Variants in CATSPERE observed in about 807,000 individuals in gnomAD.
CATSPERE encodes the protein catsper channel auxiliary subunit epsilon, also known as cation channel sperm-associated auxiliary subunit epsilon.
Under a neutral mutation model 114.1 loss-of-function variants are expected in CATSPERE, and 93 were observed. The observed-to-expected ratio is 0.81, with a 90% CI of 0.69 to 0.97. The LOEUF is 0.97. Ranked by LOEUF, CATSPERE falls within the 50% of genes least tolerant of loss-of-function variation. CATSPERE has a pLI of 0.00. For missense variants in CATSPERE, 1,058 were observed against 1,131.6 expected (o/e 0.93, Z 0.93); for synonymous variants, 341 against 384.1 (o/e 0.89, Z 1.31).
chr1:244,578,069 G>C (rs1343537100), intron 11 of CATSPERE, among the ~76,000 whole-genome samples: 4 of 152,240 alleles, frequency 2.6e-5, no homozygotes, highest in African/African-American at 9.6e-5. Flanking sequence ...ATAGTATACA[G>C]TTGATTCTTG....
At chr1:244,491,518 C>T (rs575842147) in intron 6 of CATSPERE, among the ~76,000 whole-genome samples, 4 of 152,068 alleles carry the variant, frequency 2.6e-5, no homozygotes, top group East Asian at 1.9e-4. Context: ...GACACCCTAA[C>T]GTCACAATTA....
At chr1:244,535,082 C>G (rs1234406402) in intron 8 of CATSPERE, among the ~76,000 whole-genome samples, 1 of 152,194 alleles carries the variant, frequency 6.6e-6, no homozygotes, top group Non-Finnish European at 1.5e-5. Flanking sequence ...CACTCTTGTT[C>G]TCTTCTCTTA....
rs201562280 is a variant in CATSPERE at position 244,477,522 on chromosome 1, C to A, written c.115-19C>A. 3,867 of 1,450,418 alleles carry A rather than the reference C, an allele frequency of 2.7e-3. 14 individuals carry two copies. Among genetic ancestry groups the A allele is most frequent in the Non-Finnish European group, 3.4e-3 (3,592 of 1,042,150 alleles). 89.8% of individuals were successfully genotyped at this position (1,450,418 alleles called of 1,614,324 possible). A position where few individuals can be genotyped will look rare whatever the true frequency, so the allele number is the denominator to read the frequency against. The stretch of plus-strand genomic sequence containing the variant: ...GTTTGAATGATATTTTTTGTTCGAA[C>A]TCTTGTTTTCTTTTTTAGATTAAGT... On this transcript the variant is annotated intron_variant, in intron 2 of 21. Coordinates refer to ENST00000366534, the MANE Select transcript of CATSPERE (RefSeq NM_001130957.2).
At chr1:244,462,425 C>T (rs1361865008) in intron 1 of CATSPERE, among the ~76,000 whole-genome samples, 1 of 152,142 alleles carries the variant, frequency 6.6e-6, no homozygotes, top group Non-Finnish European at 1.5e-5. Flanking sequence ...CTAGCCTATC[C>T]TTAGCCCCAG....
At chr1:244,565,006 C>T (rs985811066) in intron 10 of CATSPERE, among the ~76,000 whole-genome samples, 8 of 152,140 alleles carry the variant, frequency 5.3e-5, no homozygotes, top group African/African-American at 1.9e-4. Context: ...TTGAGACAAA[C>T]ATGTGGTTTT....
chr1:244,528,493 AT>A (rs986110684), intron 8 of CATSPERE, among the ~76,000 whole-genome samples: 3 of 152,034 alleles, frequency 2.0e-5, no homozygotes, highest in African/African-American at 7.3e-5. Flanking sequence ...GTTTTTTTAA[AT>A]TTTTAAATTT....
At chr1:244,525,408 A>G (rs112233777) in intron 8 of CATSPERE, among the ~76,000 whole-genome samples, 7,690 of 151,316 alleles carry the variant, frequency 0.051, 223 homozygotes, top group Non-Finnish European at 0.063. Flanking sequence ...GTTAGTGGGT[A>G]CAGCACACCA....
In CATSPERE at chr1:244,572,674, G is replaced by C. The variant is rs1455278736; in HGVS notation, c.1852G>C (p.Gly618Arg). The stretch of plus-strand genomic sequence containing the variant: ...TCAGATCGTCTATCCAGAAAACACT[G>C]GTCTGTATGTTATTGTGGAATCTTA... ...WTQIVYPENT[G>R]LYVIVESYGP... is the part of the protein sequence containing the mutation. The change falls in exon 11 of 22, where the codon GGT becomes CGT. Residue 618 changes from glycine (G) to arginine (R), a missense_variant. Gly to Arg is a moderately radical substitution (Grantham distance 125, BLOSUM62 -2). Coordinates refer to ENST00000366534, the MANE Select transcript of CATSPERE (RefSeq NM_001130957.2). The C allele has an allele frequency of 1.2e-6, 2 of 1,613,808 alleles. No individual in the cohort carries two copies. The highest frequency in any genetic ancestry group is 1.7e-6 in the Non-Finnish European group (2 of 1,179,802).
At chr1:244,601,940 C>T (rs12083482) in intron 17 of CATSPERE, among the ~76,000 whole-genome samples, 9,358 of 149,346 alleles carry the variant, frequency 0.063, 950 homozygotes, top group African/African-American at 0.22. Context: ...GGCAACAGAG[C>T]GAAACGGAAG....
chr1:244,584,038 C>T (rs1055049892), intron 13 of CATSPERE, 99 bp downstream of exon 13: 12 of 821,886 alleles, frequency 1.5e-5, no homozygotes, highest in Non-Finnish European at 2.2e-5. Flanking sequence ...TACCTCCATG[C>T]AATACCTCCA....
chr1:244,513,407 G>A (rs1676078101), intron 7 of CATSPERE, among the ~76,000 whole-genome samples: 1 of 152,166 alleles, frequency 6.6e-6, no homozygotes, highest in African/African-American at 2.4e-5. Flanking sequence ...GTCAGGCAGG[G>A]CAGAACAATC....
intron 2 of CATSPERE, among the ~76,000 whole-genome samples, chr1:244,464,163 GT>G (rs1667234529): frequency 6.6e-6 from 1 of 152,130 alleles, no homozygotes; most frequent in South Asian, 2.1e-4. Flanking sequence ...TGTTTTGAGT[GT>G]TTTCGTGATT....
At chr1:244,545,578 C>T (rs1659622596) in intron 8 of CATSPERE, among the ~76,000 whole-genome samples, 4 of 152,118 alleles carry the variant, frequency 2.6e-5, no homozygotes, top group African/African-American at 9.7e-5. Context: ...GGAGAAAGGC[C>T]CTTTCATCAT....
rs58959857 is a variant in CATSPERE, at chr1:244,573,412, A to AAAAACAAAACAAAACAAAAC, written c.1950+655_1950+674dup. Among the ~76,000 whole-genome samples the AAAAACAAAACAAAACAAAAC allele has an allele frequency of 2.7e-3, 404 of 150,030 alleles. 6 individuals are homozygous for AAAAACAAAACAAAACAAAAC. The highest frequency in any genetic ancestry group is 0.022 in the East Asian group (112 of 5,030). ...GGTGACAGAGTGAGACTCCCTCTCA[A>AAAAACAAAACAAAACAAAAC]AAAACAAAACAAAACAAAACAAAAC... On this transcript the variant is annotated intron_variant, in intron 11 of 21. Transcript: ENST00000366534. The surrounding 1 kb of genome is among the most constrained non-coding windows in gnomAD (Gnocchi z 4.0).
intron 12 of CATSPERE, among the ~76,000 whole-genome samples, chr1:244,582,198 A>G (rs1666288929): frequency 6.6e-6 from 1 of 152,188 alleles, no homozygotes; most frequent in Admixed American, 6.6e-5. Flanking sequence ...AAGAACTCTG[A>G]TATCACAGAA....
At chr1:244,492,101 A>T (rs1672282178) in intron 6 of CATSPERE, among the ~76,000 whole-genome samples, 5 of 152,160 alleles carry the variant, frequency 3.3e-5, no homozygotes, top group African/African-American at 1.2e-4. Context: ...TTATGAGGCC[A>T]GCATCATCCT....
intron 7 of CATSPERE, among the ~76,000 whole-genome samples, chr1:244,503,527 C>G (rs915844090): frequency 2.6e-5 from 4 of 152,326 alleles, no homozygotes; most frequent in Middle Eastern, 3.4e-3. Flanking sequence ...TTTTATCTCT[C>G]TGTGCCACGT....
intron 19 of CATSPERE, among the ~76,000 whole-genome samples, chr1:244,617,159 G>C (rs1045937788): frequency 6.6e-6 from 1 of 152,162 alleles, no homozygotes; most frequent in Non-Finnish European, 1.5e-5. Context: ...CCTAGGGCAA[G>C]ATAAAAACCC....
rs1672198195 is a variant in CATSPERE, at chr1:244,621,158, A to ATATC, written c.2648+3475_2648+3476insCTAT. On this transcript the variant is annotated intron_variant, in intron 20 of 21. Coordinates refer to ENST00000366534, the MANE Select transcript of CATSPERE (RefSeq NM_001130957.2). ...ATATAAAATATATATATTATAAAAT[A>ATATC]TATATATTATATATAGATATATTTA... Among the ~76,000 whole-genome samples, 19 of 84,134 alleles carry ATATC rather than the reference A, an allele frequency of 2.3e-4. 3 individuals carry two copies. The highest frequency in any genetic ancestry group is 9.8e-4 in the South Asian group (3 of 3,046). 55.2% of individuals were successfully genotyped at this position (84,134 alleles called of 152,430 possible). A position where few individuals can be genotyped will look rare whatever the true frequency, so the allele number is the denominator to read the frequency against.
Sources: allele counts gnomAD v4.1 joint callset (sites outside exome capture counted in the v4.1 genomes callset), GRCh38; gene constraint gnomAD v4.1.1; non-coding constraint Gnocchi (gnomAD v3.1); transcripts MANE v1.5; gene names NCBI Gene and HGNC (gene_info 2026-07-23, HGNC 2026-07-21).